Variants in DPYD observed in about 807,000 individuals in gnomAD.
The protein encoded by DPYD is dihydropyrimidine dehydrogenase [NADP(+)].
Under a neutral mutation model 116.2 loss-of-function variants are expected in DPYD, and 109 were observed. The ratio of observed to expected loss-of-function variants is 0.94; its 90% CI spans 0.80 to 1.10. The LOEUF (loss-of-function observed/expected upper bound fraction) is 1.10. Ranked by LOEUF, DPYD falls within the 50% of genes least tolerant of loss-of-function variation. DPYD has a pLI of 0.00. For missense variants in DPYD, 1,302 were observed against 1,254.5 expected (o/e 1.04, Z -0.57); for synonymous variants, 440 against 432.0 (o/e 1.02, Z -0.23).
intron 18 of DPYD, among the ~76,000 whole-genome samples, chr1:97,262,816 C>A (rs1663976928): frequency 6.6e-6 from 1 of 151,956 alleles, no homozygotes; most frequent in Non-Finnish European, 1.5e-5. Context: ...GGAGAGAAAA[C>A]AATGAATGTT....
At chr1:97,711,710 CAT>C (rs1050565150) in intron 5 of DPYD, among the ~76,000 whole-genome samples, 99 of 151,948 alleles carry the variant, frequency 6.5e-4, no homozygotes, top group African/African-American at 2.3e-3. Flanking sequence ...TTTATGTTGT[CAT>C]GTGTATAAAT....
intron 16 of DPYD, among the ~76,000 whole-genome samples, 168 bp from the exon 17 acceptor site, chr1:97,306,465 G>A (rs1228171929): frequency 6.6e-6 from 1 of 151,862 alleles, no homozygotes; most frequent in Non-Finnish European, 1.5e-5. Context: ...GACTCATTAG[G>A]GAACTAAGGT....
At chr1:97,747,485 AG>A (rs1664623184) in intron 3 of DPYD, among the ~76,000 whole-genome samples, 1 of 152,144 alleles carries the variant, frequency 6.6e-6, no homozygotes, top group Non-Finnish European at 1.5e-5. Flanking sequence ...ATGTACTTAA[AG>A]GGATTGAGGA....
intron 3 of DPYD, among the ~76,000 whole-genome samples, chr1:97,772,948 T>C (rs1571333596): frequency 6.6e-6 from 1 of 152,260 alleles, no homozygotes; most frequent in Admixed American, 6.5e-5. Flanking sequence ...CCATGGCCTC[T>C]ATGATTTTTC....
intron 14 of DPYD, among the ~76,000 whole-genome samples, chr1:97,446,569 C>T (rs1270424865): frequency 6.6e-6 from 1 of 152,016 alleles, no homozygotes; most frequent in Non-Finnish European, 1.5e-5. Flanking sequence ...ATTGTTCTTC[C>T]TTATTAATTT....
At chr1:97,810,072 G>A (rs1668272594) in intron 3 of DPYD, among the ~76,000 whole-genome samples, 1 of 151,850 alleles carries the variant, frequency 6.6e-6, no homozygotes, top group Non-Finnish European at 1.5e-5. Flanking sequence ...GGATCACGAG[G>A]TCAGGAGATC....
At chr1:97,578,906 A>G (rs1325812201) in intron 10 of DPYD, among the ~76,000 whole-genome samples, 2 of 152,220 alleles carry the variant, frequency 1.3e-5, no homozygotes, top group East Asian at 3.8e-4. Context: ...AGAACAAAAA[A>G]AAGTACTACT....
chr1:97,821,159 C>T (rs1316405013), intron 3 of DPYD, among the ~76,000 whole-genome samples: 1 of 151,664 alleles, frequency 6.6e-6, no homozygotes. Context: ...GGTGAAGCCC[C>T]ATCTCTAATA....
At chr1:97,689,362 A>C (rs1483092899) in intron 7 of DPYD, among the ~76,000 whole-genome samples, 1 of 152,062 alleles carries the variant, frequency 6.6e-6, no homozygotes, top group Admixed American at 6.5e-5. Context: ...ACTACTAAGT[A>C]TACAGGACTG....
intron 2 of DPYD, among the ~76,000 whole-genome samples, chr1:97,880,135 T>G (rs913634859): frequency 6.6e-6 from 1 of 151,586 alleles, no homozygotes; most frequent in South Asian, 2.1e-4. Flanking sequence ...GTATTAAAAG[T>G]AAGGAGATAA....
intron 21 of DPYD, among the ~76,000 whole-genome samples, chr1:97,094,552 T>TCATTG (rs1424427668): frequency 6.6e-6 from 1 of 151,956 alleles, no homozygotes; most frequent in African/African-American, 2.4e-5. Flanking sequence ...CTTTTTGAGT[T>TCATTG]AGGTAAGATG....
At chr1:97,664,726 C>G (rs1479520750) in intron 8 of DPYD, among the ~76,000 whole-genome samples, 1 of 152,002 alleles carries the variant, frequency 6.6e-6, no homozygotes, top group African/African-American at 2.4e-5. Flanking sequence ...CCTACAGAAA[C>G]AAGGGTCTTC....
intron 10 of DPYD, among the ~76,000 whole-genome samples, chr1:97,585,440 T>C (rs1381229116): frequency 6.6e-6 from 1 of 152,186 alleles, no homozygotes; most frequent in Non-Finnish European, 1.5e-5. Context: ...CCTCTAAGAC[T>C]TTATGATGAC....
intron 13 of DPYD, among the ~76,000 whole-genome samples, chr1:97,484,211 G>A (rs1198583781): frequency 6.6e-6 from 1 of 152,156 alleles, no homozygotes; most frequent in Non-Finnish European, 1.5e-5. Context: ...AGGCTAAGTA[G>A]GAGAATCGTT....
At chr1:97,253,711 T>G (rs552402019) in intron 18 of DPYD, among the ~76,000 whole-genome samples, 6 of 152,280 alleles carry the variant, frequency 3.9e-5, no homozygotes, top group African/African-American at 1.4e-4. Context: ...CAGGGTAAAT[T>G]GGATGAGAAG....
chr1:97,618,858 G>A (rs113198881), intron 8 of DPYD, among the ~76,000 whole-genome samples: 3 of 152,272 alleles, frequency 2.0e-5, no homozygotes, highest in African/African-American at 7.2e-5. Context: ...TTAATATGGA[G>A]TTTTGGTGAG....
intron 2 of DPYD, chr1:97,855,269 T>C (rs1670769331): frequency 1.3e-5 from 2 of 152,260 alleles, no homozygotes; most frequent in African/African-American, 2.4e-5. Context: ...CATGGTGCTC[T>C]GTGTCAAGCT....
intron 12 of DPYD, among the ~76,000 whole-genome samples, chr1:97,540,086 G>A (rs1334960120): frequency 2.0e-5 from 3 of 151,988 alleles, no homozygotes; most frequent in African/African-American, 7.2e-5. Context: ...TTCTGTAGTG[G>A]ACACAAGCTG....
chr1:97,124,309 A>G (rs1034969547), intron 20 of DPYD, among the ~76,000 whole-genome samples: 1 of 152,004 alleles, frequency 6.6e-6, no homozygotes, highest in African/African-American at 2.4e-5. Flanking sequence ...TAATTCTCCT[A>G]ACTCTTAGGT....
Sources: gnomAD v4.1 joint callset for allele counts (sites outside exome capture counted in the v4.1 genomes callset) on GRCh38, gnomAD v4.1.1 for gene constraint, MANE v1.5 for transcripts, NCBI Gene and HGNC (gene_info 2026-07-23, HGNC 2026-07-21) for gene names.